Variants in LTF observed in about 807,000 individuals in gnomAD.
The protein encoded by LTF is lactotransferrin.
In LTF, 91 loss-of-function variants were observed where a neutral mutation model predicts 87.2. The observed-to-expected ratio is 1.04, with a 90% CI of 0.88 to 1.24. The LOEUF (loss-of-function observed/expected upper bound fraction) is 1.24, where lower values mean the gene tolerates loss of function less well. Ranked by LOEUF, LTF falls within the 50% of genes most tolerant of loss-of-function variation. LTF has a pLI of 0.00. For missense variants in LTF, 901 were observed against 904.3 expected (o/e 1.00, Z 0.05); for synonymous variants, 378 against 356.1 (o/e 1.06, Z -0.69).
In LTF at chr3:46,437,952, A is replaced by G. The variant is rs780760569; in HGVS notation, c.2086T>C (p.Cys696Arg). 13 of 1,613,952 alleles carry G rather than the reference A, an allele frequency of 8.1e-6. No individual in the cohort carries two copies. The highest frequency in any genetic ancestry group is 8.5e-6 in the Non-Finnish European group (10 of 1,179,946). The change falls in exon 16 of 17, where the codon TGC becomes CGC. Residue 696 changes from cysteine (C) to arginine (R), a missense_variant. By Grantham distance (180) the Cys-to-Arg change is radical. Transcript: ENST00000231751. ...YVAGITNLKK[C>R]STSPLLEACE... ...AGGGTCTACTTACGGGAGGTTGAGC[A>G]CTTTTTCAGATTAGTAATGCCTGCG...
chr3:46,475,861 C>A (rs191086402), intron 1 of LTF, among the ~76,000 whole-genome samples: 48 of 152,306 alleles, frequency 3.2e-4, no homozygotes, highest in Admixed American at 2.7e-3. Flanking sequence ...CATCTCCCAA[C>A]CCCTAAAGCT....
chr3:46,466,335 G>T (rs1157121165), upstream of LTF, among the ~76,000 whole-genome samples: 1 of 152,164 alleles, frequency 6.6e-6, no homozygotes, highest in Non-Finnish European at 1.5e-5. Context: ...TGGCAGGTGA[G>T]TCTGACCAAT....
At chr3:46,468,468 C>T (rs775628524), upstream of LTF, 5 of 392,780 alleles carry the variant, frequency 1.3e-5, no homozygotes, top group Non-Finnish European at 2.5e-5. Context: ...TCCCTTCCCC[C>T]TAACCCTGCT....
intron 12 of LTF, among the ~76,000 whole-genome samples, chr3:46,443,806 T>G (rs1447386130): frequency 1.4e-4 from 21 of 152,218 alleles, no homozygotes; most frequent in African/African-American, 5.1e-4. Flanking sequence ...CAACTAAGGC[T>G]GGGGATGAGA....
At chr3:46,436,324 T>A in intron 16 of LTF, 95 bp from the exon 17 acceptor site, 1 of 1,109,946 alleles carries the variant, frequency 9.0e-7, no homozygotes, top group South Asian at 1.3e-5. Flanking sequence ...CTAAGAGTTT[T>A]CTCTGCCCTT....
In LTF at chr3:46,459,704, G is replaced by C. The variant is rs146227708; in HGVS notation, c.159C>G (p.Val53=). The C allele has an allele frequency of 1.9e-6, 3 of 1,573,146 alleles. No homozygotes were observed. Among genetic ancestry groups the C allele is most frequent in the African/African-American group, 2.8e-5 (2 of 71,334 alleles). Residue 53 remains valine (V), a synonymous_variant, in exon 2 of 17, where the codon GTC becomes GTG. Coordinates refer to ENST00000231751, the MANE Select transcript of LTF (RefSeq NM_002343.6). ...RNMRKVRGPP[V]SCIKRDSPIQ... is the part of the protein sequence containing the mutation. Reference sequence around the variant, plus strand: ...TGGGGGAGTCTCTCTTTATGCAGCTGACAGGAGGGCCACGCACTTTTCTCA... The same window carrying C: ...TGGGGGAGTCTCTCTTTATGCAGCTCACAGGAGGGCCACGCACTTTTCTCA...
intron 12 of LTF, among the ~76,000 whole-genome samples, 173 bp from the exon 13 acceptor site, chr3:46,443,755 C>T (rs2106842486): frequency 6.6e-6 from 1 of 152,276 alleles, no homozygotes; most frequent in Middle Eastern, 3.4e-3. Flanking sequence ...ATAGGACCCA[C>T]CAGAAAAGCT....
chr3:46,451,800 G>A (rs976518247), intron 6 of LTF, among the ~76,000 whole-genome samples: 1 of 152,094 alleles, frequency 6.6e-6, no homozygotes, highest in African/African-American at 2.4e-5. Context: ...TCACCATGTT[G>A]GCCAGGCTGG....
intron 12 of LTF, among the ~76,000 whole-genome samples, 199 bp from the exon 13 acceptor site, chr3:46,443,781 G>A (rs1292962724): frequency 1.3e-5 from 2 of 152,124 alleles, no homozygotes; most frequent in African/African-American, 4.8e-5. Context: ...CAGACTGTAG[G>A]CACAGATGGA....
chr3:46,442,437 G>A (rs867215704), intron 13 of LTF, among the ~76,000 whole-genome samples: 2 of 151,662 alleles, frequency 1.3e-5, no homozygotes, highest in African/African-American at 2.4e-5. Flanking sequence ...TTTTCTTCCA[G>A]TATAATTAGG....
chr3:46,460,090 C>T (rs1242998166), intron 1 of LTF, among the ~76,000 whole-genome samples: 7 of 152,172 alleles, frequency 4.6e-5, no homozygotes, highest in Admixed American at 3.3e-4. Flanking sequence ...TGACATGTTT[C>T]CTACCACTTA....
intron 12 of LTF, among the ~76,000 whole-genome samples, chr3:46,443,946 T>C (rs1236041349): frequency 6.6e-6 from 1 of 152,142 alleles, no homozygotes; most frequent in Non-Finnish European, 1.5e-5. Context: ...TTATCAGTAA[T>C]GGAAACCCTG....
chr3:46,455,321 C>T lies in LTF; in HGVS notation c.621G>A (p.Pro207=), dbSNP rs148316288. 2.3e-4 allele frequency: 378 copies of T among 1,614,238 alleles called. 1 individual carries two copies. The African/African-American group carries it at 3.6e-3, about 15-fold the overall frequency. ...ENKCAFSSQE[P]YFSYSGAFKC... Reference sequence around the variant, plus strand: ...TGAAGGCACCAGAGTAGCTGAAGTACGGTTCCTGGGAGGAGAAGGCACATT... The same window carrying T: ...TGAAGGCACCAGAGTAGCTGAAGTATGGTTCCTGGGAGGAGAAGGCACATT... The change falls in exon 5 of 17, where the codon CCG becomes CCA. Residue 207 remains proline (P), a synonymous_variant. Coordinates refer to ENST00000231751, the MANE Select transcript of LTF (RefSeq NM_002343.6).
chr3:46,442,650 CTTTT>C (rs201538636), intron 13 of LTF, among the ~76,000 whole-genome samples: 2,026 of 151,998 alleles, frequency 0.013, 46 homozygotes, highest in African/African-American at 0.046. Flanking sequence ...TGTTTTGGGT[CTTTT>C]TTTATGAGCC....
intron 12 of LTF, 148 bp from the exon 13 acceptor site, chr3:46,443,730 C>A: frequency 1.3e-6 from 1 of 748,330 alleles, no homozygotes; most frequent in East Asian, 2.5e-5. Context: ...CACAAAGCAA[C>A]ATGTTGTCAC....
At chr3:46,460,283 T>G (rs1376836167) in intron 1 of LTF, among the ~76,000 whole-genome samples, 1 of 152,148 alleles carries the variant, frequency 6.6e-6, no homozygotes, top group African/African-American at 2.4e-5. Context: ...AATCCACGTC[T>G]CTCTAGATTG....
chr3:46,479,477 A>T (rs972246197), intron 1 of LTF, among the ~76,000 whole-genome samples: 2 of 152,010 alleles, frequency 1.3e-5, no homozygotes, highest in Non-Finnish European at 2.9e-5. Flanking sequence ...AGGCTCCAGC[A>T]GTGACCTGGG....
chr3:46,456,103 T>A, intron 3 of LTF, 125 bp from the exon 4 acceptor site: 1 of 998,364 alleles, frequency 1.0e-6, no homozygotes, highest in Non-Finnish European at 1.4e-6. Flanking sequence ...AGCTCACGTG[T>A]GTCCTCCTCT....
intron 1 of LTF, among the ~76,000 whole-genome samples, chr3:46,463,878 A>G (rs535199287): frequency 3.1e-4 from 47 of 152,338 alleles, no homozygotes; most frequent in Admixed American, 7.2e-4. Context: ...CCAGAAGGGC[A>G]GGGACAAGGA....
Sources: allele counts gnomAD v4.1 joint callset (sites outside exome capture counted in the v4.1 genomes callset), GRCh38; gene constraint gnomAD v4.1.1; transcripts MANE v1.5; gene names NCBI Gene and HGNC (gene_info 2026-07-23, HGNC 2026-07-21).